NFRKB: variants seen among roughly 807,000 people sequenced by gnomAD.
NFRKB encodes the protein nuclear factor related to kappa-B-binding protein.
A neutral mutation model predicts 135.7 loss-of-function variants in NFRKB; 62 were observed. The observed-to-expected ratio is 0.46, with a 90% CI of 0.37 to 0.56. NFRKB has a LOEUF of 0.56. Ranked by LOEUF, NFRKB falls within the 20% of genes least tolerant of loss-of-function variation. The pLI is 0.00. For missense variants in NFRKB, 1,545 were observed against 1,662.0 expected (o/e 0.93, Z 1.22); for synonymous variants, 678 against 635.6 (o/e 1.07, Z -1.00).
rs1392798482 is a variant in NFRKB, at chr11:129,869,859, A to C, written c.3166T>G (p.Ser1056Ala). 1.2e-6 allele frequency: 2 copies of C among 1,614,224 alleles called. No homozygotes were observed. The highest frequency in any genetic ancestry group is 8.5e-7 in the Non-Finnish European group (1 of 1,180,040). ...PDLKPTEASS[S>A]AFRLMPALGV... ...AGAGCTGGCATCAAGCGAAAAGCCG[A>C]ACTTGAGGCTTCTGTTGGCTTGAGG... is the stretch of plus-strand genomic sequence containing the variant. Residue 1056 changes from serine (S) to alanine (A), a missense_variant, in exon 24 of 27, where the codon TCG (serine) becomes GCG (alanine). Physicochemically the swap from Ser to Ala is moderately conservative, Grantham distance 99. This residue lies in a region of NFRKB where 753 missense variants were observed against 804.3 expected (regional missense o/e 0.94). Transcript: ENST00000682444.
At chr11:129,875,270 A>T (rs556909048) in intron 18 of NFRKB, 87 bp downstream of exon 18, 40 of 1,139,664 alleles carry the variant, frequency 3.5e-5, no homozygotes, top group South Asian at 5.7e-5. Flanking sequence ...TTCAGTTTTT[A>T]AAAATTTTGT....
chr11:129,869,738 A>G lies in NFRKB; in HGVS notation c.3287T>C (p.Val1096Ala), dbSNP rs775219138. The G allele has an allele frequency of 6.2e-7, 1 of 1,614,032 alleles. No homozygotes were observed. Among genetic ancestry groups the G allele is most frequent in the Non-Finnish European group, 8.5e-7 (1 of 1,179,996 alleles). The part of the protein sequence containing the change: ...ATIRIVQGLG[V>A]MPPKAGQTIT... ...GGTCTGGCCTGCTTTGGGAGGCATC[A>G]CTCCCAGTCCCTGCACGATGCGGAT... The change falls in exon 24 of 27, where the codon GTG becomes GCG. Residue 1096 changes from valine (V) to alanine (A), a missense_variant. Physicochemically the swap from Val to Ala is moderately conservative, Grantham distance 64. This residue lies in a region of NFRKB where 753 missense variants were observed against 804.3 expected (regional missense o/e 0.94). Transcript: ENST00000682444.
In NFRKB at chr11:129,874,988, A is replaced by G. The variant is rs1948693270; in HGVS notation, c.1855-72T>C. ...ACAGAAGTTATTTGAACTCTAGGAA[A>G]AAAATGTCATTGTATCTAAATCACA... On this transcript the variant is annotated intron_variant, in intron 18 of 26. Coordinates refer to ENST00000682444, the MANE Select transcript of NFRKB (RefSeq NM_001143835.2). The surrounding 1 kb of genome is among the most constrained non-coding windows in gnomAD (Gnocchi z 4.5). 1 of 1,583,922 alleles carries G rather than the reference A, an allele frequency of 6.3e-7. No homozygotes were observed. Among genetic ancestry groups the G allele is most frequent in the East Asian group, 2.2e-5 (1 of 44,628 alleles).
chr11:129,875,272 A>G (rs1948706073), intron 18 of NFRKB, 85 bp downstream of exon 18: 1 of 1,160,572 alleles, frequency 8.6e-7, no homozygotes, highest in South Asian at 1.4e-5. Flanking sequence ...CAGTTTTTAA[A>G]AATTTTGTTA....
At position 129,884,068 on chromosome 11, in the gene NFRKB, A is replaced by C; in HGVS notation, c.816+2T>G. The C allele has an allele frequency of 6.2e-7, 1 of 1,614,116 alleles. No homozygotes were observed. The highest frequency in any genetic ancestry group is 8.5e-7 in the Non-Finnish European group (1 of 1,180,010). On this transcript the variant is annotated splice_donor_variant, in intron 8 of 26. Coordinates refer to ENST00000682444, the MANE Select transcript of NFRKB (RefSeq NM_001143835.2). LOFTEE classifies it high-confidence loss of function. ...CACGGCCGCACGCCCTTCCCATCTTACTGGCTGATGTTTCCGCTTCTCGTG... is the reference window on the plus strand; with the variant it reads ...CACGGCCGCACGCCCTTCCCATCTTCCTGGCTGATGTTTCCGCTTCTCGTG...
rs1268437437 is a variant in NFRKB, at chr11:129,864,713, CCT to C, written c.*10_*11del. Reference sequence around the variant, plus strand: ...AGGCATGGTCTTTCACGGAAGCCATCCTCTCTCATAATCATTGTTGCTCAGGT... The same window carrying C: ...AGGCATGGTCTTTCACGGAAGCCATCCTCTCATAATCATTGTTGCTCAGGT... On this transcript the variant is annotated 3_prime_UTR_variant, in exon 27 of 27. Transcript: ENST00000682444. 1 of 1,613,966 alleles carries C rather than the reference CCT, an allele frequency of 6.2e-7. No individual in the cohort carries two copies. Among genetic ancestry groups the C allele is most frequent in the African/African-American group, 1.3e-5 (1 of 74,918 alleles).
intron 4 of NFRKB, 57 bp from the exon 5 acceptor site, chr11:129,886,501 C>A: frequency 6.7e-7 from 1 of 1,499,926 alleles, no homozygotes; most frequent in South Asian, 1.1e-5. Context: ...CATCATCAGT[C>A]AACAAATATA....
chr11:129,875,543 G>A (rs1193913755), intron 17 of NFRKB, 80 bp from the exon 18 acceptor site: 3 of 1,078,596 alleles, frequency 2.8e-6, no homozygotes, highest in Non-Finnish European at 4.0e-6. Context: ...CTGCAGTGAT[G>A]GGCAAAGCTG....
rs1591478593 is a variant in NFRKB, at chr11:129,869,760, G to A, written c.3265C>T (p.Arg1089Cys). Residue 1089 changes from arginine (R) to cysteine (C), a missense_variant, in exon 24 of 27, where the codon CGC (arginine) becomes TGC (cysteine). Physicochemically the swap from Arg to Cys is radical, Grantham distance 180. Transcript: ENST00000682444. ...SSEAKPAATI[R>C]IVQGLGVMPP... ...ATCACTCCCAGTCCCTGCACGATGC[G>A]GATCGTGGCAGCTGGTTTTGCTTCT... 3.1e-6 allele frequency: 5 copies of A among 1,614,238 alleles called. No homozygotes were observed. Among genetic ancestry groups the A allele is most frequent in the South Asian group, 1.1e-5 (1 of 91,088 alleles).
rs144844370 is a variant in NFRKB, at chr11:129,866,390, G to T, written c.3532-407C>A. On this transcript the variant is annotated intron_variant, in intron 24 of 26. Transcript: ENST00000682444. ...GTGCTGGGCACACAATCACTATTTG[G>T]TGAAATAAATTTGAGGAAGGACAGA... Among the ~76,000 whole-genome samples the T allele has an allele frequency of 4.2e-3, 633 of 152,112 alleles. 4 individuals are homozygous for T. Among genetic ancestry groups the T allele is most frequent in the African/African-American group, 0.014 (601 of 41,470 alleles).
At chr11:129,886,552 C>A in intron 4 of NFRKB, 108 bp from the exon 5 acceptor site, 1 of 1,036,028 alleles carries the variant, frequency 9.7e-7, no homozygotes, top group Non-Finnish European at 1.4e-6. Flanking sequence ...TACCACAAAA[C>A]TTAAGGGAAA....
intron 24 of NFRKB, among the ~76,000 whole-genome samples, chr11:129,868,456 G>C (rs2288402): frequency 0.34 from 51,306 of 152,142 alleles, 9,861 homozygotes; most frequent in East Asian, 0.46. Context: ...TAAGGTCTAG[G>C]GGAAACAGGA....
rs1302642320 is a variant in NFRKB, at chr11:129,874,386, G to A, written c.2059-53C>T. 1 of 1,523,798 alleles carries A rather than the reference G, an allele frequency of 6.6e-7. No homozygotes were observed. The allele number at this position is 1,523,798 out of a possible 1,614,324, so 94.4% of individuals were successfully genotyped here. On this transcript the variant is annotated intron_variant, in intron 20 of 26. Transcript: ENST00000682444. This position sits in a 1 kb window ranked among gnomAD's most constrained non-coding sequence, Gnocchi z 4.5. ...CTGGTGTCGTGAAGATCCCCCTAAA[G>A]GAAGGGACACCCCTACAGCTCCTGA... is the stretch of plus-strand genomic sequence containing the variant.
chr11:129,881,424 G>A lies in NFRKB; in HGVS notation c.1384+19C>T, dbSNP rs763662745. 11 of 1,612,222 alleles carry A rather than the reference G, an allele frequency of 6.8e-6. No homozygotes were observed. The highest frequency in any genetic ancestry group is 9.3e-6 in the Non-Finnish European group (11 of 1,178,424). On this transcript the variant is annotated intron_variant, in intron 13 of 26. Transcript: ENST00000682444. ...GGGAGAACGAAAACCTGTTGGGGTAGGTAATACGGATCACTTACCAAGCAA... is the reference window on the plus strand; with the variant it reads ...GGGAGAACGAAAACCTGTTGGGGTAAGTAATACGGATCACTTACCAAGCAA...
In NFRKB at chr11:129,873,993, T is replaced by C. The variant is rs761214302; in HGVS notation, c.2302A>G (p.Thr768Ala). ...AGCATTGTTCCCAGATGTGGCATTGTTGGTGAAGACACCAGAAGAACACTA... is the reference window on the plus strand; with the variant it reads ...AGCATTGTTCCCAGATGTGGCATTGCTGGTGAAGACACCAGAAGAACACTA... Reference protein sequence around the residue: ...SSGVLLVSSPTMPHLGTMLSP... With the variant: ...SSGVLLVSSPAMPHLGTMLSP... The change falls in exon 22 of 27, where the codon ACA (threonine) becomes GCA (alanine). Residue 768 changes from threonine (T) to alanine (A), a missense_variant. Thr to Ala is a moderately conservative substitution (Grantham distance 58). Coordinates refer to ENST00000682444, the MANE Select transcript of NFRKB (RefSeq NM_001143835.2). 1.2e-5 allele frequency: 20 copies of C among 1,612,854 alleles called. No individual in the cohort carries two copies. In the South Asian group the frequency reaches 2.0e-4, roughly 16 times the overall value.
At chr11:129,891,261 C>T (rs1392963597) in intron 3 of NFRKB, among the ~76,000 whole-genome samples, 1 of 152,140 alleles carries the variant, frequency 6.6e-6, no homozygotes, top group African/African-American at 2.4e-5. Flanking sequence ...TCAGAGCAAA[C>T]GACACTACCT....
At chr11:129,880,856 C>T (rs761479763) in intron 13 of NFRKB, among the ~76,000 whole-genome samples, 3 of 152,156 alleles carry the variant, frequency 2.0e-5, no homozygotes, top group Non-Finnish European at 4.4e-5. Context: ...GCTCTCCATA[C>T]GCTTCTCCAC....
intron 24 of NFRKB, among the ~76,000 whole-genome samples, chr11:129,868,232 T>C (rs1948305075): frequency 1.3e-5 from 2 of 152,206 alleles, no homozygotes; most frequent in Non-Finnish European, 2.9e-5. Flanking sequence ...CCGTATCTTC[T>C]GGATGTTATA....
chr11:129,865,121 G>A lies in NFRKB; in HGVS notation c.3639-20C>T, dbSNP rs1286645463. Reference sequence around the variant, plus strand: ...CTGAGGCTGTGGAGGGAAAGCAGGGGTGAGATATAATGATATCGACAGGTA... The same window carrying A: ...CTGAGGCTGTGGAGGGAAAGCAGGGATGAGATATAATGATATCGACAGGTA... On this transcript the variant is annotated intron_variant, in intron 25 of 26. Coordinates refer to ENST00000682444, the MANE Select transcript of NFRKB (RefSeq NM_001143835.2). The A allele has an allele frequency of 2.5e-6, 4 of 1,604,516 alleles. No individual in the cohort carries two copies. In the South Asian group the frequency reaches 4.4e-5, roughly 18 times the overall value.
Sources: allele counts gnomAD v4.1 joint callset (sites outside exome capture counted in the v4.1 genomes callset), GRCh38; gene constraint gnomAD v4.1.1; regional missense constraint gnomAD v4.1.1; non-coding constraint Gnocchi (gnomAD v3.1); transcripts MANE v1.5; gene names NCBI Gene and HGNC (gene_info 2026-07-23, HGNC 2026-07-21).